SAMD4A: variants seen among roughly 807,000 people sequenced by gnomAD.
The protein encoded by SAMD4A is protein Smaug homolog 1.
Under a neutral mutation model 81.3 loss-of-function variants are expected in SAMD4A, and 33 were observed. The ratio of observed to expected loss-of-function variants is 0.41; its 90% CI spans 0.31 to 0.54. SAMD4A has a LOEUF of 0.54. Ranked by LOEUF, SAMD4A falls within the 20% of genes least tolerant of loss-of-function variation. The pLI is 0.37. For missense variants in SAMD4A, 854 were observed against 951.1 expected (o/e 0.90, Z 1.34); for synonymous variants, 389 against 382.1 (o/e 1.02, Z -0.21).
At position 54,789,189 on chromosome 14, in the gene SAMD4A, GTCTCTAGGGAATTATGAGACTGGGA is replaced by G; in HGVS notation, c.*246_*270del. On this transcript the variant is annotated 3_prime_UTR_variant, in exon 13 of 13. Transcript: ENST00000554335. Reference sequence around the variant, plus strand: ...GGTTTGGTGTGTGGGGTGGGGAGGGGTCTCTAGGGAATTATGAGACTGGGAGGGGGGTGGAGGGAATGCAGGTAGC... The same window carrying G: ...GGTTTGGTGTGTGGGGTGGGGAGGGGGGGGGGTGGAGGGAATGCAGGTAGC... 2.2e-6 allele frequency: 1 copy of G among 451,670 alleles called. No individual in the cohort carries two copies. Among genetic ancestry groups the G allele is most frequent in the South Asian group, 2.2e-5 (1 of 44,792 alleles). The allele number at this position is 451,670 out of a possible 1,614,324, so 28.0% of individuals were successfully genotyped here.
chr14:54,628,871 G>A (rs977950849), intron 2 of SAMD4A, among the ~76,000 whole-genome samples: 1 of 151,994 alleles, frequency 6.6e-6, no homozygotes, highest in African/African-American at 2.4e-5. Context: ...GATCTGTATG[G>A]GCTCATAAAT....
At chr14:54,787,594 TGGA>T in intron 12 of SAMD4A, among the ~76,000 whole-genome samples, 1 of 152,348 alleles carries the variant, frequency 6.6e-6, no homozygotes, top group Non-Finnish European at 1.5e-5. Flanking sequence ...TATTGGGGCT[TGGA>T]CTGGGACATC....
chr14:54,590,062 T>TA (rs2033732732), intron 2 of SAMD4A, among the ~76,000 whole-genome samples: 1 of 152,186 alleles, frequency 6.6e-6, no homozygotes, highest in Non-Finnish European at 1.5e-5. Context: ...TTCTCTAGCA[T>TA]AAAAAAATAG....
intron 2 of SAMD4A, among the ~76,000 whole-genome samples, chr14:54,684,834 G>A (rs1156779809): frequency 6.6e-6 from 1 of 152,258 alleles, no homozygotes; most frequent in East Asian, 1.9e-4. Context: ...GGCCTGCTCT[G>A]TGCAGCGTTT....
At position 54,576,001 on chromosome 14, in the gene SAMD4A, C is replaced by CTTTTTTTTTTTT. The variant is rs57819180; in HGVS notation, c.196+7915_196+7926dup. On this transcript the variant is annotated intron_variant, in intron 2 of 12. Coordinates refer to ENST00000554335, the MANE Select transcript of SAMD4A (RefSeq NM_015589.6). ...CCAGGAAAGATTTCTTTCTTTCTTT[C>CTTTTTTTTTTTT]TTTTTTTTTTTTTTTTTTTTTTTTT... is the stretch of plus-strand genomic sequence containing the variant. Among the ~76,000 whole-genome samples the CTTTTTTTTTTTT allele has an allele frequency of 1.4e-3, 110 of 79,994 alleles. 10 individuals are homozygous for CTTTTTTTTTTTT. The highest frequency in any genetic ancestry group is 9.1e-3 in the East Asian group (18 of 1,986). 52.5% of individuals were successfully genotyped at this position (79,994 alleles called of 152,430 possible). A position where few individuals can be genotyped will look rare whatever the true frequency, so the allele number is the denominator to read the frequency against.
At chr14:54,780,685 A>T (rs114408878) in intron 11 of SAMD4A, among the ~76,000 whole-genome samples, 1 of 152,206 alleles carries the variant, frequency 6.6e-6, no homozygotes, top group Non-Finnish European at 1.5e-5. Context: ...CTGAGCATCA[A>T]CTTGGGGCAA....
At chr14:54,738,081 C>T (rs76091119) in intron 4 of SAMD4A, among the ~76,000 whole-genome samples, 3,333 of 152,306 alleles carry the variant, frequency 0.022, 118 homozygotes, top group African/African-American at 0.076. Flanking sequence ...GGCAAAGATG[C>T]ACATTCAGAG....
At chr14:54,645,027 A>T (rs1466910458) in intron 2 of SAMD4A, among the ~76,000 whole-genome samples, 1 of 152,242 alleles carries the variant, frequency 6.6e-6, no homozygotes, top group African/African-American at 2.4e-5. Context: ...AGTGACATTC[A>T]GTGTGATGTG....
In SAMD4A at chr14:54,642,682, G is replaced by GTGGA. The variant is rs55658198; in HGVS notation, c.197-59377_197-59374dup. On this transcript the variant is annotated intron_variant, in intron 2 of 12. Transcript: ENST00000554335. The stretch of plus-strand genomic sequence containing the variant: ...TAACAGGAATGAAAGATCCCGTTGA[G>GTGGA]TGGATGATCCAGCTTCCTGGTATCA... Among the ~76,000 whole-genome samples the GTGGA allele has an allele frequency of 4.8e-3, 729 of 152,328 alleles. 3 individuals are homozygous for GTGGA. The highest frequency in any genetic ancestry group is 8.8e-3 in the Non-Finnish European group (598 of 68,026).
intron 2 of SAMD4A, among the ~76,000 whole-genome samples, chr14:54,597,693 G>A (rs565556116): frequency 1.5e-4 from 22 of 149,522 alleles, no homozygotes; most frequent in African/African-American, 3.7e-4. Flanking sequence ...AGGTTCAAGC[G>A]ATCCTCCCAT....
chr14:54,784,143 G>A (rs984028990), intron 11 of SAMD4A: 10 of 563,436 alleles, frequency 1.8e-5, no homozygotes, highest in African/African-American at 1.3e-4. Flanking sequence ...TGAGGTAGGA[G>A]GGGGCCTGGG....
intron 2 of SAMD4A, among the ~76,000 whole-genome samples, chr14:54,643,876 C>T (rs978150394): frequency 1.3e-5 from 2 of 152,240 alleles, no homozygotes; most frequent in Admixed American, 6.5e-5. Flanking sequence ...GGAGAACAGA[C>T]GCCTTTCCAC....
chr14:54,780,261 C>T (rs1251804133), intron 11 of SAMD4A, among the ~76,000 whole-genome samples: 1 of 152,184 alleles, frequency 6.6e-6, no homozygotes, highest in Admixed American at 6.5e-5. Flanking sequence ...GAGCTGGGTC[C>T]AGTGGCACCT....
At chr14:54,694,853 C>T (rs75479913) in intron 2 of SAMD4A, 12,601 of 985,336 alleles carry the variant, frequency 0.013, 144 homozygotes, top group East Asian at 0.061. Context: ...CCAGCTGTGC[C>T]GGTACCTGGG....
At chr14:54,607,690 G>A (rs941646803) in intron 2 of SAMD4A, among the ~76,000 whole-genome samples, 8 of 151,956 alleles carry the variant, frequency 5.3e-5, no homozygotes, top group African/African-American at 1.9e-4. Context: ...TCCTGACCTT[G>A]TGATCCGCCC....
intron 2 of SAMD4A, among the ~76,000 whole-genome samples, chr14:54,578,221 T>G (rs2033362133): frequency 6.6e-6 from 1 of 152,202 alleles, no homozygotes; most frequent in African/African-American, 2.4e-5. Context: ...CTGTAGGAAT[T>G]TAGTGTCTAT....
chr14:54,692,470 G>A (rs1000567328), intron 2 of SAMD4A, among the ~76,000 whole-genome samples: 5 of 152,210 alleles, frequency 3.3e-5, no homozygotes, highest in African/African-American at 4.8e-5. Flanking sequence ...GGACAATGCC[G>A]TGCTCCTTTT....
chr14:54,705,359 G>A (rs1442403937), intron 3 of SAMD4A, among the ~76,000 whole-genome samples: 1 of 152,092 alleles, frequency 6.6e-6, no homozygotes, highest in Non-Finnish European at 1.5e-5. Flanking sequence ...GTGATTTTTG[G>A]CCATTCCACT....
intron 12 of SAMD4A, among the ~76,000 whole-genome samples, chr14:54,787,662 T>A (rs1274233446): frequency 6.6e-6 from 1 of 152,254 alleles, no homozygotes; most frequent in Non-Finnish European, 1.5e-5. Context: ...TAGTGGTCAC[T>A]GAACGCAGTT....
Sources: gnomAD v4.1 joint callset for allele counts (sites outside exome capture counted in the v4.1 genomes callset) on GRCh38, gnomAD v4.1.1 for gene constraint, MANE v1.5 for transcripts, NCBI Gene and HGNC (gene_info 2026-07-23, HGNC 2026-07-21) for gene names.